The following MAGI2 variants were observed in gnomAD, a reference collection of about 807,000 sequenced individuals.
MAGI2 encodes the protein membrane-associated guanylate kinase, WW and PDZ domain-containing protein 2.
MAGI2 carries 35 observed loss-of-function variants against 133.3 expected under a neutral mutation model. The ratio of observed to expected loss-of-function variants is 0.26; its 90% CI spans 0.20 to 0.35. The LOEUF is 0.35. MAGI2 is among the 10% of genes least tolerant of loss of function. The pLI is 1.00. For missense variants in MAGI2, 1,636 were observed against 1,863.4 expected (o/e 0.88, Z 2.25); for synonymous variants, 729 against 710.6 (o/e 1.03, Z -0.41).
At chr7:79,450,707 C>A (rs1039576176) in intron 1 of MAGI2, among the ~76,000 whole-genome samples, 1 of 152,114 alleles carries the variant, frequency 6.6e-6, no homozygotes. Flanking sequence ...GATCTCCAAC[C>A]ACATTAGATC....
intron 1 of MAGI2, among the ~76,000 whole-genome samples, chr7:79,097,890 G>C (rs1424447551): frequency 6.6e-6 from 1 of 152,158 alleles, no homozygotes. Context: ...GGGAGGCAGA[G>C]GTGGGCAGAT....
rs936155059 is a variant in MAGI2, at chr7:78,190,694, G to A, written c.2269+4180C>T. ...GAGAAAGAAGGGCAGGAGGAGATGA[G>A]GGGGAGAAAACACTAAGGGCCCTTA... On this transcript the variant is annotated intron_variant, in intron 12 of 21. Coordinates refer to ENST00000354212, the MANE Select transcript of MAGI2 (RefSeq NM_012301.4). Among the ~76,000 whole-genome samples the A allele has an allele frequency of 1.3e-4, 20 of 152,214 alleles. No individual in the cohort carries two copies. In the East Asian group the frequency reaches 3.3e-3, roughly 25 times the overall value.
At chr7:78,889,322 A>T (rs983240883) in intron 2 of MAGI2, among the ~76,000 whole-genome samples, 9 of 152,244 alleles carry the variant, frequency 5.9e-5, no homozygotes, top group African/African-American at 1.9e-4. Context: ...ATTATCCAGG[A>T]GAACTTCCCC....
At chr7:78,421,707 G>C (rs547822877) in intron 6 of MAGI2, among the ~76,000 whole-genome samples, 141 of 152,244 alleles carry the variant, frequency 9.3e-4, no homozygotes, top group Admixed American at 4.3e-3. Flanking sequence ...AGGAGGCTGA[G>C]GTGGGAGGAT....
At chr7:78,132,076 C>T (rs779922240) in intron 18 of MAGI2, among the ~76,000 whole-genome samples, 2 of 152,246 alleles carry the variant, frequency 1.3e-5, no homozygotes, top group South Asian at 2.1e-4. Flanking sequence ...GGTTTCACCA[C>T]GTTGCTCAGG....
Position 78,083,387 on chromosome 7 carries a change from G to GGAGAGAGAGAGAGAGAGAGAGAGAGA in MAGI2, c.3568-4328_3568-4303dup, listed in dbSNP as rs747230358. Among the ~76,000 whole-genome samples the GGAGAGAGAGAGAGAGAGAGAGAGAGA allele has an allele frequency of 6.0e-4, 20 of 33,298 alleles. 1 individual carries two copies. Among genetic ancestry groups the GGAGAGAGAGAGAGAGAGAGAGAGAGA allele is most frequent in the African/African-American group, 1.0e-3 (8 of 7,758 alleles). The allele number at this position is 33,298 out of a possible 152,430, so 21.8% of individuals were successfully genotyped here. A position where few individuals can be genotyped will look rare whatever the true frequency, so the allele number is the denominator to read the frequency against. On this transcript the variant is annotated intron_variant, in intron 20 of 21. Coordinates refer to ENST00000354212, the MANE Select transcript of MAGI2 (RefSeq NM_012301.4). Reference sequence around the variant, plus strand: ...GGGGGCGGGGGAGGGAGGGAGGGGGGGAGAGAGAGAGAGAGAGAGAGAGAG... The same window carrying GGAGAGAGAGAGAGAGAGAGAGAGAGA: ...GGGGGCGGGGGAGGGAGGGAGGGGGGGAGAGAGAGAGAGAGAGAGAGAGAGAGAGAGAGAGAGAGAGAGAGAGAGAG...
intron 3 of MAGI2, among the ~76,000 whole-genome samples, chr7:78,526,668 G>T (rs1796979126): frequency 6.6e-6 from 1 of 152,000 alleles, no homozygotes; most frequent in South Asian, 2.1e-4. Context: ...TTTTCATAAA[G>T]GTGGGGCTAT....
chr7:78,785,231 CCA>C (rs1274239517), intron 2 of MAGI2, among the ~76,000 whole-genome samples: 2 of 152,054 alleles, frequency 1.3e-5, no homozygotes, highest in African/African-American at 4.8e-5. Flanking sequence ...AAATCTACAT[CCA>C]AGGAATGCTT....
At chr7:79,206,209 A>C (rs753254913) in intron 1 of MAGI2, among the ~76,000 whole-genome samples, 10 of 151,646 alleles carry the variant, frequency 6.6e-5, no homozygotes, top group Non-Finnish European at 5.9e-5. Flanking sequence ...GTTAGTAAAA[A>C]AAAAAATGAA....
At chr7:78,845,477 C>T (rs548206402) in intron 2 of MAGI2, among the ~76,000 whole-genome samples, 18 of 151,898 alleles carry the variant, frequency 1.2e-4, no homozygotes, top group Admixed American at 5.3e-4. Flanking sequence ...TTGGATGATA[C>T]GAAGTTATTT....
At chr7:79,237,954 A>T (rs766091969) in intron 1 of MAGI2, among the ~76,000 whole-genome samples, 7 of 152,194 alleles carry the variant, frequency 4.6e-5, no homozygotes, top group Non-Finnish European at 8.8e-5. Flanking sequence ...CTCTGAGACG[A>T]TCCTGAAATC....
At chr7:78,315,673 C>T (rs1787341625) in intron 9 of MAGI2, among the ~76,000 whole-genome samples, 1 of 152,178 alleles carries the variant, frequency 6.6e-6, no homozygotes, top group African/African-American at 2.4e-5. Context: ...GAATTGCAAA[C>T]TGTTCAAATA....
chr7:78,233,661 A>G (rs2150881921), intron 10 of MAGI2, among the ~76,000 whole-genome samples: 1 of 152,260 alleles, frequency 6.6e-6, no homozygotes, highest in Non-Finnish European at 1.5e-5. Context: ...GTTCTTAAAG[A>G]ATGGGATAAA....
chr7:79,321,579 T>TG (rs1428493458), intron 1 of MAGI2, among the ~76,000 whole-genome samples: 1 of 152,160 alleles, frequency 6.6e-6, no homozygotes. Flanking sequence ...GAGAACAAAT[T>TG]TTTTTCTTTC....
intron 3 of MAGI2, among the ~76,000 whole-genome samples, chr7:78,539,311 C>A (rs903472373): frequency 6.6e-6 from 1 of 151,632 alleles, no homozygotes; most frequent in African/African-American, 2.4e-5. Flanking sequence ...TGTGGTGTAT[C>A]AAATTTATTG....
At chr7:78,416,510 G>T (rs1442610208) in intron 6 of MAGI2, among the ~76,000 whole-genome samples, 2 of 152,114 alleles carry the variant, frequency 1.3e-5, no homozygotes, top group East Asian at 3.9e-4. Context: ...TTTATTCTCT[G>T]TAGGTTTCTT....
chr7:78,544,624 C>A (rs62468610), intron 3 of MAGI2, among the ~76,000 whole-genome samples: 9,913 of 152,210 alleles, frequency 0.065, 399 homozygotes, highest in Non-Finnish European at 0.096. Flanking sequence ...TAGCATCAGC[C>A]TCACCTCGAA....
At chr7:78,120,062 C>T (rs1460203994) in intron 20 of MAGI2, among the ~76,000 whole-genome samples, 2 of 152,138 alleles carry the variant, frequency 1.3e-5, no homozygotes, top group Non-Finnish European at 2.9e-5. Flanking sequence ...CATATTTATA[C>T]ATGGATTTCA....
At position 78,423,360 on chromosome 7, in the gene MAGI2, T is replaced by C. The variant is rs568581535; in HGVS notation, c.1046-54147A>G. The stretch of plus-strand genomic sequence containing the variant: ...CATGATTGTGAGGCTTCCCCAGCCA[T>C]GTGGAACTGTAAGTCCAATTAAACC... On this transcript the variant is annotated intron_variant, in intron 6 of 21. Coordinates refer to ENST00000354212, the MANE Select transcript of MAGI2 (RefSeq NM_012301.4). Among the ~76,000 whole-genome samples, 9 of 152,336 alleles carry C rather than the reference T, an allele frequency of 5.9e-5. No individual in the cohort carries two copies. In the South Asian group the frequency reaches 1.0e-3, roughly 18 times the overall value.
Sources: allele counts gnomAD v4.1 joint callset (sites outside exome capture counted in the v4.1 genomes callset), GRCh38; gene constraint gnomAD v4.1.1; transcripts MANE v1.5; gene names NCBI Gene and HGNC (gene_info 2026-07-23, HGNC 2026-07-21).